The following PRKCZ variants were observed in gnomAD, a reference collection of about 807,000 sequenced individuals.
PRKCZ encodes the protein protein kinase C zeta type.
PRKCZ carries 33 observed loss-of-function variants against 79.5 expected under a neutral mutation model. The ratio of observed to expected loss-of-function variants is 0.41; its 90% CI spans 0.31 to 0.55. PRKCZ has a LOEUF of 0.55. Among genes scored for constraint, PRKCZ ranks in the 20% least tolerant of loss-of-function variants. The pLI is 0.19. For synonymous variants in PRKCZ, 342 were observed against 320.9 expected (o/e 1.07, Z -0.70); for missense variants, 578 against 813.5 (o/e 0.71, Z 3.52).
At chr1:2,086,802 G>C (rs1664609168) in intron 4 of PRKCZ, among the ~76,000 whole-genome samples, 1 of 152,212 alleles carries the variant, frequency 6.6e-6, no homozygotes, top group South Asian at 2.1e-4. Flanking sequence ...CACAGCGTGA[G>C]CCTGTTCGCT....
chr1:2,056,939 A>G (rs921747024), intron 3 of PRKCZ, among the ~76,000 whole-genome samples: 3 of 152,066 alleles, frequency 2.0e-5, no homozygotes, highest in Admixed American at 2.0e-4. Context: ...CGTGTTAGCC[A>G]GGATGGTCTC....
rs1337619629 is a variant in PRKCZ at position 2,147,360 on chromosome 1, A to ATC, written c.634+1253_634+1254insCT. The stretch of plus-strand genomic sequence containing the variant: ...CACTGACCTCTCCATCTATCCATCT[A>ATC]TTGTCCACTGACCTCTCTATCTATC... On this transcript the variant is annotated intron_variant, in intron 7 of 17. Coordinates refer to ENST00000378567, the MANE Select transcript of PRKCZ (RefSeq NM_002744.6). 1.4e-4 allele frequency among the ~76,000 whole-genome samples: 20 copies of ATC among 145,570 alleles called. 1 individual carries two copies. The South Asian group carries it at 3.7e-3, about 27-fold the overall frequency.
At chr1:2,095,286 C>T (rs1275359151) in intron 4 of PRKCZ, among the ~76,000 whole-genome samples, 1 of 152,144 alleles carries the variant, frequency 6.6e-6, no homozygotes, top group Non-Finnish European at 1.5e-5. Flanking sequence ...TGGCAGGGGC[C>T]CTTGTGTGCG....
chr1:2,073,630 C>T (rs902836890), intron 4 of PRKCZ: 1 of 990,534 alleles, frequency 1.0e-6, no homozygotes, highest in African/African-American at 1.7e-5. Flanking sequence ...GCGTCAGCTC[C>T]TGCACATCCA....
At chr1:2,081,260 G>A (rs1442918064) in intron 4 of PRKCZ, among the ~76,000 whole-genome samples, 1 of 152,188 alleles carries the variant, frequency 6.6e-6, no homozygotes, top group Non-Finnish European at 1.5e-5. Flanking sequence ...ATCGGATACC[G>A]TGTCGCTTAC....
At chr1:2,054,253 G>T (rs575588891) in intron 1 of PRKCZ, among the ~76,000 whole-genome samples, 1 of 152,282 alleles carries the variant, frequency 6.6e-6, no homozygotes, top group Admixed American at 6.5e-5. Context: ...TAGGCCCTGT[G>T]CTCTTGCCCC....
intron 10 of PRKCZ, among the ~76,000 whole-genome samples, chr1:2,167,952 G>A (rs750122448): frequency 1.3e-5 from 2 of 152,136 alleles, no homozygotes; most frequent in East Asian, 1.9e-4. Flanking sequence ...TTTTCTGACC[G>A]ACTCTTAGGT....
At chr1:2,121,168 A>G (rs1445218166) in intron 4 of PRKCZ, among the ~76,000 whole-genome samples, 1 of 152,156 alleles carries the variant, frequency 6.6e-6, no homozygotes, top group Non-Finnish European at 1.5e-5. Context: ...TCTCACGTGC[A>G]AAATACTGTC....
intron 4 of PRKCZ, chr1:2,073,606 T>C (rs1661832535): frequency 3.0e-6 from 3 of 988,256 alleles, no homozygotes; most frequent in Non-Finnish European, 3.6e-6. Flanking sequence ...GATGCTTGTT[T>C]TCCTGTGACG....
At chr1:2,102,490 G>A (rs184709332) in intron 4 of PRKCZ, among the ~76,000 whole-genome samples, 183 of 151,804 alleles carry the variant, frequency 1.2e-3, no homozygotes, top group African/African-American at 4.2e-3. Context: ...CCACCACCAC[G>A]TCCCGCTAAT....
At chr1:2,135,992 G>A (rs1296808041) in intron 5 of PRKCZ, among the ~76,000 whole-genome samples, 1 of 152,156 alleles carries the variant, frequency 6.6e-6, no homozygotes, top group East Asian at 1.9e-4. Context: ...GAGTGTCTTG[G>A]GGGTGCGTGG....
intron 4 of PRKCZ, 176 bp from the exon 5 acceptor site, chr1:2,135,086 T>C (rs530087643): frequency 3.6e-6 from 2 of 548,670 alleles, no homozygotes; most frequent in South Asian, 2.1e-5. Context: ...ATGAGGATCA[T>C]GTGAGGAGGG....
intron 4 of PRKCZ, among the ~76,000 whole-genome samples, chr1:2,117,998 CTTTTTTT>C (rs1553152756): frequency 1.5e-5 from 1 of 65,058 alleles, no homozygotes; most frequent in Non-Finnish European, 2.7e-5. Context: ...CCTATTATTT[CTTTTTTT>C]TTTTTTTTTG....
At chr1:2,092,708 AT>A (rs1390531550) in intron 4 of PRKCZ, among the ~76,000 whole-genome samples, 1 of 152,188 alleles carries the variant, frequency 6.6e-6, no homozygotes, top group African/African-American at 2.4e-5. Context: ...GAGCTTTTAA[AT>A]TTAATTATTT....
chr1:2,112,024 G>C lies in PRKCZ; in HGVS notation c.335-23238G>C, dbSNP rs191096975. On this transcript the variant is annotated intron_variant, in intron 4 of 17. Coordinates refer to ENST00000378567, the MANE Select transcript of PRKCZ (RefSeq NM_002744.6). ...TCGTCTTCGAGGCGATGTTTCCTCGGGACAAGTCATTTTCATGAATCTGCT... is the reference window on the plus strand; with the variant it reads ...TCGTCTTCGAGGCGATGTTTCCTCGCGACAAGTCATTTTCATGAATCTGCT... Among the ~76,000 whole-genome samples the C allele has an allele frequency of 1.8e-4, 27 of 152,256 alleles. No homozygotes were observed. The East Asian group carries it at 5.2e-3, about 29-fold the overall frequency.
intron 4 of PRKCZ, among the ~76,000 whole-genome samples, chr1:2,087,818 C>T (rs891547671): frequency 2.0e-5 from 3 of 152,148 alleles, no homozygotes; most frequent in African/African-American, 7.2e-5. Context: ...GAAAGGAGTC[C>T]CCGGAGGCCC....
chr1:2,089,481 G>A (rs773386989), intron 4 of PRKCZ, among the ~76,000 whole-genome samples: 8 of 152,184 alleles, frequency 5.3e-5, no homozygotes, highest in Non-Finnish European at 1.2e-4. Flanking sequence ...TGCTGAAGGC[G>A]GGGAAGTCCA....
At chr1:2,140,516 G>T (rs1677100963) in intron 5 of PRKCZ, among the ~76,000 whole-genome samples, 1 of 152,040 alleles carries the variant, frequency 6.6e-6, no homozygotes, top group Non-Finnish European at 1.5e-5. Context: ...ATTTAGCCAG[G>T]CGTGGTGGTG....
intron 4 of PRKCZ, among the ~76,000 whole-genome samples, chr1:2,086,453 C>T (rs1454071152): frequency 6.6e-6 from 1 of 152,202 alleles, no homozygotes; most frequent in Non-Finnish European, 1.5e-5. Flanking sequence ...TCTGGTCCTC[C>T]CAGGTTTGGC....
Sources: allele counts gnomAD v4.1 joint callset (sites outside exome capture counted in the v4.1 genomes callset), GRCh38; gene constraint gnomAD v4.1.1; transcripts MANE v1.5; gene names NCBI Gene and HGNC (gene_info 2026-07-23, HGNC 2026-07-21).